The following JCAD variants were observed in gnomAD, a reference collection of about 807,000 sequenced individuals.
JCAD encodes junctional cadherin 5-associated protein.
JCAD carries 40 observed loss-of-function variants against 98.0 expected under a neutral mutation model. The ratio of observed to expected loss-of-function variants is 0.41; its 90% CI spans 0.32 to 0.53. JCAD has a LOEUF of 0.53. Among genes scored for constraint, JCAD ranks in the 20% least tolerant of loss-of-function variants. The probability of loss-of-function intolerance (pLI) is 0.31; values close to 1 mark genes in which losing one functional copy is unlikely to be tolerated. For missense variants in JCAD, 1,705 were observed against 1,738.1 expected (o/e 0.98, Z 0.34); for synonymous variants, 691 against 682.3 (o/e 1.01, Z -0.20).
chr10:30,056,399 C>T (rs1024875688), intron 1 of JCAD, among the ~76,000 whole-genome samples: 1 of 152,126 alleles, frequency 6.6e-6, no homozygotes, highest in Non-Finnish European at 1.5e-5. Flanking sequence ...CACTGCAAAA[C>T]TCAGTGCTTA....
chr10:30,102,507 A>G (rs1838489387), intron 1 of JCAD, among the ~76,000 whole-genome samples: 1 of 152,174 alleles, frequency 6.6e-6, no homozygotes, highest in African/African-American at 2.4e-5. Context: ...TTACAATATT[A>G]ACTTATAGGC....
chr10:30,024,254 G>C (rs1435762586), intron 3 of JCAD, among the ~76,000 whole-genome samples: 3 of 152,186 alleles, frequency 2.0e-5, no homozygotes, highest in African/African-American at 7.2e-5. Flanking sequence ...ATTATAACAG[G>C]ATTTATTTGT....
intron 1 of JCAD, among the ~76,000 whole-genome samples, chr10:30,077,911 C>G (rs1437038717): frequency 6.6e-6 from 1 of 152,194 alleles, no homozygotes; most frequent in Non-Finnish European, 1.5e-5. Flanking sequence ...ATTTTCAGTT[C>G]TTTGGGCTAT....
In JCAD at chr10:30,023,771, G is replaced by C. The variant is rs562257632; in HGVS notation, c.4045+2332C>G. On this transcript the variant is annotated intron_variant, in intron 3 of 3. Transcript: ENST00000375377. ...CCAAAAACGTCATGAGGGAGGTGTT[G>C]TTAATAACTGGCTAAAATTAAAATT... Among the ~76,000 whole-genome samples the C allele has an allele frequency of 1.2e-4, 18 of 152,196 alleles. 2 individuals carry two copies. The South Asian group carries it at 3.1e-3, about 26-fold the overall frequency.
intron 1 of JCAD, among the ~76,000 whole-genome samples, chr10:30,084,925 C>T (rs1838144302): frequency 1.3e-5 from 2 of 152,166 alleles, no homozygotes; most frequent in African/African-American, 2.4e-5. Context: ...CTGATGAATA[C>T]GGATAGCAAT....
chr10:30,086,956 A>C (rs1199512421), intron 1 of JCAD, among the ~76,000 whole-genome samples: 1 of 152,234 alleles, frequency 6.6e-6, no homozygotes, highest in East Asian at 1.9e-4. Context: ...TGGGATAAAT[A>C]TAGTAAACCG....
At chr10:30,092,125 T>TATATATAA (rs1427852641) in intron 1 of JCAD, among the ~76,000 whole-genome samples, 4 of 104,924 alleles carry the variant, frequency 3.8e-5, no homozygotes, top group South Asian at 3.3e-4. Flanking sequence ...TATATATATA[T>TATATATAA]AAAAAACATT....
intron 1 of JCAD, 119 bp from the exon 2 acceptor site, chr10:30,047,990 C>T: frequency 1.7e-6 from 1 of 574,170 alleles, no homozygotes; most frequent in Non-Finnish European, 3.0e-6. Flanking sequence ...AGCACAGAAC[C>T]TGCACAGAAA....
chr10:30,039,795 G>A (rs955523458), intron 2 of JCAD, among the ~76,000 whole-genome samples: 11 of 152,012 alleles, frequency 7.2e-5, no homozygotes, highest in Non-Finnish European at 1.0e-4. Flanking sequence ...TGGGTTTAAA[G>A]GCCAACACCA....
At chr10:30,091,198 A>T (rs1207814138) in intron 1 of JCAD, among the ~76,000 whole-genome samples, 1 of 152,196 alleles carries the variant, frequency 6.6e-6, no homozygotes, top group African/African-American at 2.4e-5. Context: ...TTGAAAATAG[A>T]TGTGATTCTG....
intron 2 of JCAD, among the ~76,000 whole-genome samples, chr10:30,046,484 G>A (rs1038445936): frequency 8.5e-5 from 13 of 152,298 alleles, no homozygotes; most frequent in Middle Eastern, 3.4e-3. Flanking sequence ...CAGAAGAAAC[G>A]TTTTGTTTTA....
chr10:30,029,538 C>A lies in JCAD; in HGVS notation c.610G>T (p.Gly204Trp). Reference sequence around the variant, plus strand: ...TACAGGTCTTGAAACAGTCTCTCCCCATCTCCATCAGACATCTGCCTCCCT... The same window carrying A: ...TACAGGTCTTGAAACAGTCTCTCCCAATCTCCATCAGACATCTGCCTCCCT... ...KLGRQMSDGD[G>W]ERLFQDLYPF... The change falls in exon 3 of 4, where the codon GGG becomes TGG. Residue 204 changes from glycine to tryptophan, a missense_variant. Physicochemically the swap from Gly to Trp is radical, Grantham distance 184. This residue lies in a region of JCAD where 275 missense variants were observed against 346.9 expected (regional missense o/e 0.79). Transcript: ENST00000375377. 6.2e-7 allele frequency: 1 copy of A among 1,614,222 alleles called. No homozygotes were observed. Among genetic ancestry groups the A allele is most frequent in the Non-Finnish European group, 8.5e-7 (1 of 1,180,038 alleles).
At chr10:30,098,770 C>G (rs966340787) in intron 1 of JCAD, among the ~76,000 whole-genome samples, 2 of 152,212 alleles carry the variant, frequency 1.3e-5, no homozygotes, top group African/African-American at 4.8e-5. Context: ...TGTCCAATAA[C>G]TTATTATCAT....
chr10:30,075,737 G>A (rs141775115), intron 1 of JCAD, among the ~76,000 whole-genome samples: 23 of 152,308 alleles, frequency 1.5e-4, no homozygotes, highest in Non-Finnish European at 2.9e-4. Context: ...AGAAAAATGT[G>A]ATGTGAGCAG....
Position 30,028,540 on chromosome 10 carries a change from G to GT in JCAD, c.1607dup (p.His536GlnfsTer61). 6.2e-7 allele frequency: 1 copy of GT among 1,614,216 alleles called. No individual in the cohort carries two copies. On this transcript the variant is annotated frameshift_variant, in exon 3 of 4. Coordinates refer to ENST00000375377, the MANE Select transcript of JCAD (RefSeq NM_020848.4). LOFTEE classifies it high-confidence loss of function. ...AAGGGGAGGAAACTTGTCTTCCAGT[G>GT]TGCCCGTGCTGGCTGCCTCTCACAT...
upstream of JCAD, among the ~76,000 whole-genome samples, chr10:30,061,488 G>A (rs888556187): frequency 6.6e-6 from 1 of 151,402 alleles, no homozygotes; most frequent in Non-Finnish European, 1.5e-5. Flanking sequence ...GTTGCAGTGA[G>A]CCAGGATCAT....
chr10:30,028,326 C>T lies in JCAD; in HGVS notation c.1822G>A (p.Asp608Asn). ...CTCTTATCAGACCCATTCTTTTGAT[C>T]AGCACTGGGCTTTAAGTCATTGTTG... is the stretch of plus-strand genomic sequence containing the variant. Reference protein sequence around the residue: ...MDNNDLKPSADQKNGSDKSPA... With the variant: ...MDNNDLKPSANQKNGSDKSPA... The change falls in exon 3 of 4, where the codon GAT becomes AAT. Residue 608 changes from aspartate to asparagine, a missense_variant. By Grantham distance (23) the Asp-to-Asn change is conservative (BLOSUM62 1). Coordinates refer to ENST00000375377, the MANE Select transcript of JCAD (RefSeq NM_020848.4). 10 of 1,614,202 alleles carry T rather than the reference C, an allele frequency of 6.2e-6. No individual in the cohort carries two copies. The highest frequency in any genetic ancestry group is 8.5e-6 in the Non-Finnish European group (10 of 1,180,030).
intron 1 of JCAD, among the ~76,000 whole-genome samples, chr10:30,074,229 A>G (rs1217101905): frequency 2.0e-5 from 3 of 152,110 alleles, no homozygotes; most frequent in Admixed American, 2.0e-4. Context: ...CTAAGACATT[A>G]CTTCACTTCC....
At chr10:30,050,306 C>A (rs1275512921) in intron 1 of JCAD, among the ~76,000 whole-genome samples, 4 of 126,922 alleles carry the variant, frequency 3.2e-5, no homozygotes, top group Admixed American at 2.5e-4. Context: ...CACAGCAAGA[C>A]CCTGTCTCAA....
Sources: allele counts gnomAD v4.1 joint callset (sites outside exome capture counted in the v4.1 genomes callset), GRCh38; gene constraint gnomAD v4.1.1; regional missense constraint gnomAD v4.1.1; transcripts MANE v1.5; gene names NCBI Gene and HGNC (gene_info 2026-07-23, HGNC 2026-07-21).